Variants in GSN observed in about 807,000 individuals in gnomAD.
The protein encoded by GSN is gelsolin.
GSN carries 56 observed loss-of-function variants against 85.7 expected under a neutral mutation model. That is an observed-to-expected ratio of 0.65 (90% CI 0.53 to 0.82). The LOEUF (loss-of-function observed/expected upper bound fraction) is 0.82. GSN is among the 40% of genes least tolerant of loss of function. The pLI, the probability that GSN is intolerant of heterozygous loss-of-function variation, is 0.00. For synonymous variants in GSN, 373 were observed against 399.1 expected, an observed-to-expected ratio of 0.93 and a Z score of 0.78; for missense variants, 857 against 979.8, an observed-to-expected ratio of 0.87 and a Z score of 1.67.
rs1242015143 is a variant in GSN at position 121,328,882 on chromosome 9, C to A, written c.1763-9C>A. 3.1e-6 allele frequency: 5 copies of A among 1,610,306 alleles called. No individual in the cohort carries two copies. Among genetic ancestry groups the A allele is most frequent in the Non-Finnish European group, 4.2e-6 (5 of 1,179,906 alleles). Reference sequence around the variant, plus strand: ...GTCCCTTGGCAACTGGCGTGGCCTCCCCTCACAGATGGCTTCTGGGAGGCC... The same window carrying A: ...GTCCCTTGGCAACTGGCGTGGCCTCACCTCACAGATGGCTTCTGGGAGGCC... On this transcript the variant is annotated splice_polypyrimidine_tract_variant and intron_variant, in intron 14 of 17. Coordinates refer to ENST00000432226, the MANE Select transcript of GSN (RefSeq NM_198252.3).
chr9:121,256,037 T>G (rs906689162), intron 6 of GSN, among the ~76,000 whole-genome samples: 1 of 152,074 alleles, frequency 6.6e-6, no homozygotes, highest in Admixed American at 6.5e-5. Flanking sequence ...ATGAGAGAGA[T>G]GGTGAGTTCT....
rs1224286779 is a variant in GSN at position 121,312,208 on chromosome 9, T to C, written c.514-131T>C. The stretch of plus-strand genomic sequence containing the variant: ...GTAAATAATGCACGTGTGCAGACTG[T>C]GCCAGCCTTCACCTGGGCAAGTGCA... On this transcript the variant is annotated intron_variant, in intron 5 of 17. Transcript: ENST00000432226. 4 of 902,068 alleles carry C rather than the reference T, an allele frequency of 4.4e-6. No individual in the cohort carries two copies. The East Asian group carries it at 7.2e-5, about 16-fold the overall frequency. The allele number at this position is 902,068 out of a possible 1,614,324, so 55.9% of individuals were successfully genotyped here.
intron 11 of GSN, among the ~76,000 whole-genome samples, chr9:121,323,022 A>T (rs1015127298): frequency 3.3e-5 from 5 of 151,884 alleles, no homozygotes; most frequent in Admixed American, 6.6e-5. Flanking sequence ...TTTAGTATGG[A>T]TGGGGCTTTG....
chr9:121,286,463 G>A lies in GSN; in HGVS notation c.-10+4901G>A, dbSNP rs1449581369. ...CAAACTGTTTACGCTTCCTTGTGCA[G>A]GCCACACCCCCAAGCCTTTGCGTCT... On this transcript the variant is annotated intron_variant, in intron 2 of 17. Coordinates refer to ENST00000432226, the MANE Select transcript of GSN (RefSeq NM_198252.3). 37 of 767,330 alleles carry A rather than the reference G, an allele frequency of 4.8e-5. No homozygotes were observed. The South Asian group carries it at 6.3e-4, about 13-fold the overall frequency. 47.5% of individuals were successfully genotyped at this position (767,330 alleles called of 1,614,324 possible).
At chr9:121,270,715 T>C (rs966481743) in intron 1 of GSN, among the ~76,000 whole-genome samples, 1 of 152,210 alleles carries the variant, frequency 6.6e-6, no homozygotes, top group African/African-American at 2.4e-5. Context: ...AACACGTTGA[T>C]TGGATGCCTT....
chr9:121,233,887 A>G (rs1277958649), intron 5 of GSN, among the ~76,000 whole-genome samples: 1 of 152,198 alleles, frequency 6.6e-6, no homozygotes, highest in Non-Finnish European at 1.5e-5. Flanking sequence ...TTCGATTGGA[A>G]TTCAGTTTGC....
intron 10 of GSN, among the ~76,000 whole-genome samples, chr9:121,319,576 G>GC (rs917981597): frequency 5.3e-5 from 8 of 151,568 alleles, no homozygotes; most frequent in African/African-American, 1.7e-4. Flanking sequence ...TCCTGCCTCG[G>GC]CCCCCCAAAG....
rs1437311332 is a variant in GSN at position 121,269,853 on chromosome 9, A to G, written c.-103+1634A>G. 3.9e-5 allele frequency among the ~76,000 whole-genome samples: 6 copies of G among 152,180 alleles called. No homozygotes were observed. The East Asian group carries it at 7.7e-4, about 20-fold the overall frequency. ...GGGGTGGCTGCAGGGTTTGCCCCGC[A>G]TGGCATTTCCTTCCTCCCCGCCTCC... On this transcript the variant is annotated intron_variant, in intron 1 of 17. Coordinates refer to ENST00000432226, the MANE Select transcript of GSN (RefSeq NM_198252.3).
chr9:121,286,479 C>CCA (rs1357793585), intron 2 of GSN: 2 of 889,798 alleles, frequency 2.2e-6, no homozygotes, highest in Non-Finnish European at 3.3e-6. Flanking sequence ...ACCCCCAAGC[C>CCA]TTTGCGTCTG....
At position 121,329,039 on chromosome 9, in the gene GSN, C is replaced by T. The variant is rs1236513332; in HGVS notation, c.1887+24C>T. ...TGGTGAGCCCCTGCGGAGGTCACAC[C>T]TCTGCTTTCCCCTCGGGAGGCGAGT... is the stretch of plus-strand genomic sequence containing the variant. On this transcript the variant is annotated intron_variant, in intron 15 of 17. Transcript: ENST00000432226. The surrounding 1 kb of genome is among the most constrained non-coding windows in gnomAD (Gnocchi z 4.6). 1 of 1,612,614 alleles carries T rather than the reference C, an allele frequency of 6.2e-7. No homozygotes were observed. The highest frequency in any genetic ancestry group is 1.7e-5 in the Admixed American group (1 of 59,938).
In GSN at chr9:121,302,986, G is replaced by T. The variant is rs138153246; in HGVS notation, c.272G>T (p.Arg91Leu). The T allele has an allele frequency of 2.5e-5, 40 of 1,613,752 alleles. No individual in the cohort carries two copies. The highest frequency in any genetic ancestry group is 1.6e-4 in the Middle Eastern group (1 of 6,084). Residue 91 changes from arginine to leucine, a missense_variant, in exon 4 of 18, where the codon CGG (arginine) becomes CTG (leucine). Physicochemically the swap from Arg to Leu is moderately radical, Grantham distance 102 (BLOSUM62 -2). Coordinates refer to ENST00000432226, the MANE Select transcript of GSN (RefSeq NM_198252.3). Reference protein sequence around the residue: ...TVQLDDYLNGRAVQHREVQGF... With the variant: ...TVQLDDYLNGLAVQHREVQGF... ...CAGCTGGATGACTACCTGAACGGCC[G>T]GGCCGTGCAGCACCGTGAGGTCCAG... is the stretch of plus-strand genomic sequence containing the variant.
intron 12 of GSN, among the ~76,000 whole-genome samples, chr9:121,326,271 G>C (rs2063153854): frequency 6.6e-6 from 1 of 151,940 alleles, no homozygotes; most frequent in East Asian, 1.9e-4. Context: ...GATCAGGAAG[G>C]CATGTCGTCA....
Position 121,318,376 on chromosome 9 carries a change from C to T in GSN, c.887-30C>T. On this transcript the variant is annotated intron_variant, in intron 8 of 17. Transcript: ENST00000432226. The surrounding 1 kb of genome is among the most constrained non-coding windows in gnomAD (Gnocchi z 4.3). Reference sequence around the variant, plus strand: ...ATGCAGCAGGATCCCGGGCCTCTAACCCTCCATCACTTCCTCTGGCTGCCA... The same window carrying T: ...ATGCAGCAGGATCCCGGGCCTCTAATCCTCCATCACTTCCTCTGGCTGCCA... The T allele has an allele frequency of 6.3e-7, 1 of 1,584,744 alleles. No individual in the cohort carries two copies. Among genetic ancestry groups the T allele is most frequent in the Non-Finnish European group, 8.7e-7 (1 of 1,153,230 alleles).
chr9:121,292,449 G>C (rs911712820), intron 2 of GSN, among the ~76,000 whole-genome samples: 1 of 152,224 alleles, frequency 6.6e-6, no homozygotes, highest in African/African-American at 2.4e-5. Context: ...GGCAGGTATA[G>C]GGGCCAGTGA....
In GSN at chr9:121,214,302, T is replaced by C. The variant is rs112366919; in HGVS notation, c.-528+3435T>C. On this transcript the variant is annotated intron_variant, in intron 4 of 24. Coordinates refer to the GSN transcript ENST00000373823. ...CTCCTCCTCCTTCTTCCTCTTCCTC[T>C]TCTTCTTCCTCTTCTTCCTTTTCTT... 3.6e-3 allele frequency among the ~76,000 whole-genome samples: 544 copies of C among 151,684 alleles called. 5 individuals carry two copies. The highest frequency in any genetic ancestry group is 0.013 in the African/African-American group (516 of 41,146).
chr9:121,299,810 C>T lies in GSN; in HGVS notation c.-9-2153C>T. 3 of 1,291,152 alleles carry T rather than the reference C, an allele frequency of 2.3e-6. No homozygotes were observed. The highest frequency in any genetic ancestry group is 3.0e-6 in the Non-Finnish European group (3 of 1,012,402). 80.0% of individuals were successfully genotyped at this position (1,291,152 alleles called of 1,614,324 possible). On this transcript the variant is annotated intron_variant, in intron 2 of 17. Coordinates refer to ENST00000432226, the MANE Select transcript of GSN (RefSeq NM_198252.3). The surrounding 1 kb of genome is among the most constrained non-coding windows in gnomAD (Gnocchi z 4.2). ...GGATGGGCGGGCGGCTACTTAAGGT[C>T]GGCGACCCGAGGCCGCGGCTGCCGA...
rs758343295 is a variant in GSN at position 121,300,116 on chromosome 9, TTTGTTG to T, written c.-9-1846_-9-1841del. 1.9e-5 allele frequency: 31 copies of T among 1,607,112 alleles called. No individual in the cohort carries two copies. In the Middle Eastern group the frequency reaches 8.2e-4, roughly 43 times the overall value. On this transcript the variant is annotated intron_variant, in intron 2 of 17. Transcript: ENST00000432226. ...TTCAGGTCTAGAATGGAAAAACTGT[TTTGTTG>T]CTTTGTAAGTATCTCTTGCTGCTTC...
At chr9:121,295,378 G>A (rs762986872) in intron 2 of GSN, among the ~76,000 whole-genome samples, 1 of 152,114 alleles carries the variant, frequency 6.6e-6, no homozygotes, top group African/African-American at 2.4e-5. Flanking sequence ...TCAGAAGGGC[G>A]GGTGCTCCTA....
chr9:121,328,083 C>G (rs116262648), intron 14 of GSN, among the ~76,000 whole-genome samples: 4,115 of 152,312 alleles, frequency 0.027, 192 homozygotes, highest in African/African-American at 0.094. Flanking sequence ...GTAGGCAGGG[C>G]TGATAGCGTC....
Sources: allele counts gnomAD v4.1 joint callset (sites outside exome capture counted in the v4.1 genomes callset), GRCh38; gene constraint gnomAD v4.1.1; non-coding constraint Gnocchi (gnomAD v3.1); transcripts MANE v1.5; gene names NCBI Gene and HGNC (gene_info 2026-07-23, HGNC 2026-07-21).